Variants in TBC1D22B observed in about 807,000 individuals in gnomAD.
TBC1D22B encodes chromosome 6 open reading frame 197.
A neutral mutation model predicts 69.1 loss-of-function variants in TBC1D22B; 32 were observed. That is an observed-to-expected ratio of 0.46 (90% CI 0.35 to 0.62). The LOEUF (loss-of-function observed/expected upper bound fraction) is 0.62, where lower values mean the gene tolerates loss of function less well. TBC1D22B is among the 20% of genes least tolerant of loss of function. The pLI, the probability that TBC1D22B is intolerant of heterozygous loss-of-function variation, is 0.00. For synonymous variants in TBC1D22B, 206 were observed against 229.8 expected (o/e 0.90, Z 0.94); for missense variants, 462 against 630.9 (o/e 0.73, Z 2.87).
At chr6:37,260,350 C>G (rs951950520) in intron 1 of TBC1D22B, among the ~76,000 whole-genome samples, 1 of 152,092 alleles carries the variant, frequency 6.6e-6, no homozygotes, top group African/African-American at 2.4e-5. Context: ...AAAATAAAAG[C>G]GATGACAGGG....
chr6:37,275,802 C>T (rs1368213902), intron 2 of TBC1D22B, among the ~76,000 whole-genome samples: 2 of 152,044 alleles, frequency 1.3e-5, no homozygotes, highest in African/African-American at 4.8e-5. Flanking sequence ...ATTTATGTAT[C>T]TCCTCTGGAG....
intron 11 of TBC1D22B, 126 bp from the exon 12 acceptor site, chr6:37,316,985 T>C: frequency 3.4e-6 from 5 of 1,463,136 alleles, no homozygotes; most frequent in Non-Finnish European, 4.7e-6. Flanking sequence ...TTGCTAAGTC[T>C]CTTCAGAACT....
chr6:37,284,337 GCT>G lies in TBC1D22B; in HGVS notation c.675_676del (p.Tyr226SerfsTer6). The G allele has an allele frequency of 3.1e-6, 5 of 1,614,098 alleles. No individual in the cohort carries two copies. Among genetic ancestry groups the G allele is most frequent in the Non-Finnish European group, 4.2e-6 (5 of 1,179,998 alleles). On this transcript the variant is annotated frameshift_variant and splice_region_variant, in exon 6 of 13. Transcript: ENST00000373491. LOFTEE classifies it high-confidence loss of function. ...TCTGACCAGCAGTCTTGTCTATAGG[GCT>G]ATCTCCCAGCAAACACTGAGAGGAG...
intron 2 of TBC1D22B, among the ~76,000 whole-genome samples, chr6:37,273,333 G>C (rs1047426859): frequency 6.6e-6 from 1 of 152,100 alleles, no homozygotes; most frequent in Non-Finnish European, 1.5e-5. Flanking sequence ...ACTGGTAATA[G>C]ATCTGTTCTA....
chr6:37,325,815 G>T (rs1452603280), intron 12 of TBC1D22B, among the ~76,000 whole-genome samples: 1 of 152,126 alleles, frequency 6.6e-6, no homozygotes, highest in Non-Finnish European at 1.5e-5. Context: ...CTCCCAAAGT[G>T]AGTTTCTACT....
chr6:37,312,871 C>T lies in TBC1D22B; in HGVS notation c.983-47C>T, dbSNP rs769444686. 3 of 1,490,656 alleles carry T rather than the reference C, an allele frequency of 2.0e-6. No individual in the cohort carries two copies. The African/African-American group carries it at 4.1e-5, about 21-fold the overall frequency. The allele number at this position is 1,490,656 out of a possible 1,614,324, so 92.3% of individuals were successfully genotyped here. A position where few individuals can be genotyped will look rare whatever the true frequency, so the allele number is the denominator to read the frequency against. The stretch of plus-strand genomic sequence containing the variant: ...ACACTCGAATCTATCTTTCTCTCTC[C>T]ATTTTTAGATAAGACCTCTGGACTT... On this transcript the variant is annotated intron_variant, in intron 8 of 12. Transcript: ENST00000373491.
Position 37,261,637 on chromosome 6 carries a change from G to A in TBC1D22B, c.56+3664G>A, listed in dbSNP as rs115902831. The stretch of plus-strand genomic sequence containing the variant: ...GAGATAATACATAATAATTGGTTAG[G>A]AGGTACACAATAATATTAGCTATTA... On this transcript the variant is annotated intron_variant, in intron 1 of 12. Coordinates refer to ENST00000373491, the MANE Select transcript of TBC1D22B (RefSeq NM_017772.4). Among the ~76,000 whole-genome samples the A allele has an allele frequency of 4.8e-3, 732 of 152,164 alleles. 2 individuals carry two copies. The highest frequency in any genetic ancestry group is 0.017 in the African/African-American group (692 of 41,496).
intron 1 of TBC1D22B, 103 bp downstream of exon 1, chr6:37,258,076 G>T: frequency 7.5e-7 from 1 of 1,340,952 alleles, no homozygotes; most frequent in Non-Finnish European, 1.0e-6. Context: ...CCAGAAGACT[G>T]GTTTGGGGAA....
At chr6:37,271,157 A>T (rs1006958622) in intron 2 of TBC1D22B, among the ~76,000 whole-genome samples, 1 of 152,064 alleles carries the variant, frequency 6.6e-6, no homozygotes, top group Non-Finnish European at 1.5e-5. Context: ...TACTAAAAAT[A>T]AAAAAATTAG....
chr6:37,312,817 C>T, intron 8 of TBC1D22B, 101 bp from the exon 9 acceptor site: 1 of 924,880 alleles, frequency 1.1e-6, no homozygotes. Context: ...TAGCCTGGTC[C>T]TCACTTGGCC....
At chr6:37,318,544 C>T (rs375628825) in intron 12 of TBC1D22B, among the ~76,000 whole-genome samples, 6 of 152,120 alleles carry the variant, frequency 3.9e-5, no homozygotes, top group South Asian at 2.1e-4. Flanking sequence ...TGCTTAAAGC[C>T]GACACACTGG....
intron 8 of TBC1D22B, among the ~76,000 whole-genome samples, chr6:37,312,201 T>C (rs1370844794): frequency 1.3e-5 from 2 of 152,244 alleles, no homozygotes; most frequent in Non-Finnish European, 2.9e-5. Flanking sequence ...AACCCTTTTG[T>C]GTGCTGTGAT....
At chr6:37,327,477 CAAAAAAAAAAA>C (rs56160547) in intron 12 of TBC1D22B, among the ~76,000 whole-genome samples, 8 of 52,072 alleles carry the variant, frequency 1.5e-4, no homozygotes, top group African/African-American at 3.3e-4. Flanking sequence ...GACTCCGACT[CAAAAAAAAAAA>C]AAAAAAAAAA....
At chr6:37,322,615 T>C (rs1359943504) in intron 12 of TBC1D22B, among the ~76,000 whole-genome samples, 1 of 152,230 alleles carries the variant, frequency 6.6e-6, no homozygotes, top group Non-Finnish European at 1.5e-5. Context: ...CCATAGGTGT[T>C]TGTAATAAAA....
At chr6:37,316,472 A>G (rs551757207) in intron 10 of TBC1D22B, among the ~76,000 whole-genome samples, 1 of 152,234 alleles carries the variant, frequency 6.6e-6, no homozygotes, top group Non-Finnish European at 1.5e-5. Context: ...CTCCTAGAAC[A>G]TCACTGGGGG....
At chr6:37,304,976 A>C (rs1168729790) in intron 8 of TBC1D22B, among the ~76,000 whole-genome samples, 1 of 152,226 alleles carries the variant, frequency 6.6e-6, no homozygotes, top group Non-Finnish European at 1.5e-5. Flanking sequence ...AGCCGCCTTC[A>C]CACTGAGGAG....
At chr6:37,298,904 A>G (rs1399223714) in intron 8 of TBC1D22B, among the ~76,000 whole-genome samples, 1 of 152,054 alleles carries the variant, frequency 6.6e-6, no homozygotes, top group Non-Finnish European at 1.5e-5. Context: ...CCTTGTACAT[A>G]TTTTCTTGTG....
intron 2 of TBC1D22B, among the ~76,000 whole-genome samples, chr6:37,273,183 C>CAAAAAAAAAA (rs58720560): frequency 1.3e-5 from 1 of 77,274 alleles, no homozygotes; most frequent in Non-Finnish European, 2.5e-5. Context: ...AACCCCGAGG[C>CAAAAAAAAAA]AAAAAAAAAA....
chr6:37,266,255 T>C (rs1395065250), intron 1 of TBC1D22B, among the ~76,000 whole-genome samples: 1 of 152,248 alleles, frequency 6.6e-6, no homozygotes, highest in African/African-American at 2.4e-5. Flanking sequence ...TCCAGTCATC[T>C]GGTTCCTATT....
Sources: allele counts gnomAD v4.1 joint callset (sites outside exome capture counted in the v4.1 genomes callset), GRCh38; gene constraint gnomAD v4.1.1; transcripts MANE v1.5; gene names NCBI Gene and HGNC (gene_info 2026-07-23, HGNC 2026-07-21).